RALB: variants seen among roughly 807,000 people sequenced by gnomAD.
The protein encoded by RALB is RAS like proto-oncogene B, also known as ras-related protein Ral-B.
RALB carries 16 observed loss-of-function variants against 21.3 expected under a neutral mutation model. The ratio of observed to expected loss-of-function variants is 0.75; its 90% CI spans 0.51 to 1.14. The LOEUF (loss-of-function observed/expected upper bound fraction) is 1.14. RALB is among the 50% of genes most tolerant of loss of function. The pLI is 0.00. For missense variants in RALB, 161 were observed against 256.2 expected, an observed-to-expected ratio of 0.63 and a Z score of 2.54; for synonymous variants, 93 against 96.1, an observed-to-expected ratio of 0.97 and a Z score of 0.19.
intron 1 of RALB, among the ~76,000 whole-genome samples, chr2:120,278,334 A>G (rs1388773107): frequency 1.1e-5 from 1 of 89,906 alleles, no homozygotes; most frequent in East Asian, 2.2e-4. Flanking sequence ...TGAGGGTCTG[A>G]TGATTTTTGG....
chr2:120,289,163 T>C (rs970727344), intron 3 of RALB, among the ~76,000 whole-genome samples: 4 of 152,202 alleles, frequency 2.6e-5, no homozygotes, highest in Non-Finnish European at 5.9e-5. Context: ...AAACAAATAT[T>C]TTCAGGGGAA....
At chr2:120,252,599 C>T (rs536041059), upstream of RALB, among the ~76,000 whole-genome samples, 85 of 152,340 alleles carry the variant, frequency 5.6e-4, 1 homozygote, top group African/African-American at 1.8e-3. Flanking sequence ...TTACCAGCTG[C>T]GTGTCCGAGG....
At chr2:120,253,492 C>T (rs1689114463) in intron 1 of RALB, 1 of 985,812 alleles carries the variant, frequency 1.0e-6, no homozygotes, top group Non-Finnish European at 1.2e-6. Flanking sequence ...GTTGTTTCTC[C>T]CCCAGCCTCC....
chr2:120,278,709 C>T lies in RALB; in HGVS notation c.45C>T (p.His15=). ...AGGGCCAGAGCTCCTTGGCCCTCCA[C>T]AAGGTGATCATGGTTGGCAGCGGAG... ...KSKGQSSLAL[H]KVIMVGSGGV... The change falls in exon 2 of 5, where the codon CAC becomes CAT. Residue 15 remains histidine, a synonymous_variant. Coordinates refer to ENST00000272519, the MANE Select transcript of RALB (RefSeq NM_002881.3). The T allele has an allele frequency of 1.3e-6, 2 of 1,597,870 alleles. No individual in the cohort carries two copies. The highest frequency in any genetic ancestry group is 1.7e-6 in the Non-Finnish European group (2 of 1,171,488).
intron 1 of RALB, among the ~76,000 whole-genome samples, chr2:120,274,190 G>C (rs776454120): frequency 6.6e-6 from 1 of 152,154 alleles, no homozygotes; most frequent in Non-Finnish European, 1.5e-5. Context: ...CAGCTCTGTA[G>C]GAAACAGTGT....
intron 1 of RALB, among the ~76,000 whole-genome samples, chr2:120,272,147 A>T (rs1026547519): frequency 3.9e-5 from 6 of 152,170 alleles, no homozygotes; most frequent in Non-Finnish European, 5.9e-5. Flanking sequence ...TTATAAGAAG[A>T]GGAAGAGATA....
At chr2:120,262,417 C>G (rs1181300576) in intron 1 of RALB, among the ~76,000 whole-genome samples, 1 of 152,086 alleles carries the variant, frequency 6.6e-6, no homozygotes, top group South Asian at 2.1e-4. Context: ...TGGAGGCTCT[C>G]GAAGGGTTTG....
upstream of RALB, among the ~76,000 whole-genome samples, chr2:120,251,844 G>A (rs138037380): frequency 6.6e-6 from 1 of 152,176 alleles, no homozygotes; most frequent in Non-Finnish European, 1.5e-5. Context: ...CTAAGGTAAA[G>A]CTTCTGTGCT....
intron 1 of RALB, among the ~76,000 whole-genome samples, chr2:120,271,240 A>G (rs77277589): frequency 6.6e-6 from 1 of 151,944 alleles, no homozygotes. Flanking sequence ...TTTATGTACT[A>G]TGATTTGCTT....
At chr2:120,253,992 G>A (rs958637588) in intron 1 of RALB, among the ~76,000 whole-genome samples, 2 of 152,166 alleles carry the variant, frequency 1.3e-5, no homozygotes, top group African/African-American at 4.8e-5. Flanking sequence ...CCATAAGATT[G>A]TTGGATGTCA....
At chr2:120,259,390 A>G (rs1309581287) in intron 1 of RALB, among the ~76,000 whole-genome samples, 1 of 152,210 alleles carries the variant, frequency 6.6e-6, no homozygotes, top group Non-Finnish European at 1.5e-5. Context: ...AGTTAGATAC[A>G]GAGTTTCCAC....
chr2:120,265,396 G>A (rs1372532685), intron 1 of RALB, among the ~76,000 whole-genome samples: 1 of 152,256 alleles, frequency 6.6e-6, no homozygotes, highest in Non-Finnish European at 1.5e-5. Context: ...GACCACCGTT[G>A]TATTATGTGG....
At chr2:120,285,807 T>C (rs1209235426) in intron 2 of RALB, 67 bp from the exon 3 acceptor site, 1 of 1,376,398 alleles carries the variant, frequency 7.3e-7, no homozygotes, top group African/African-American at 1.4e-5. Context: ...TATGTGGAAT[T>C]TTGTTTTTTG....
intron 2 of RALB, 58 bp downstream of exon 2, chr2:120,278,836 G>T: frequency 7.1e-7 from 1 of 1,406,108 alleles, no homozygotes; most frequent in Non-Finnish European, 9.4e-7. Flanking sequence ...CAGTGTCCCT[G>T]CTCCCGCTGT....
At chr2:120,248,585 C>A (rs936952620), upstream of RALB, among the ~76,000 whole-genome samples, 5 of 152,080 alleles carry the variant, frequency 3.3e-5, no homozygotes, top group African/African-American at 1.2e-4. Flanking sequence ...CGTGGACCCC[C>A]GGAACAGCAT....
At position 120,293,924 on chromosome 2, in the gene RALB, G is replaced by A. The variant is rs1477977880; in HGVS notation, c.*664G>A. 6 of 386,910 alleles carry A rather than the reference G, an allele frequency of 1.6e-5. No individual in the cohort carries two copies. Among genetic ancestry groups the A allele is most frequent in the Non-Finnish European group, 2.7e-5 (6 of 219,506 alleles). 24.0% of individuals were successfully genotyped at this position (386,910 alleles called of 1,614,324 possible). ...ACATTGGCCTATTATAATCTGTGTT[G>A]GTTATTTTTCTCCTGTAAGCATCCT... is the stretch of plus-strand genomic sequence containing the variant. On this transcript the variant is annotated 3_prime_UTR_variant, in exon 5 of 5. Coordinates refer to ENST00000272519, the MANE Select transcript of RALB (RefSeq NM_002881.3).
At chr2:120,264,773 A>G (rs997273821) in intron 1 of RALB, among the ~76,000 whole-genome samples, 6 of 149,788 alleles carry the variant, frequency 4.0e-5, no homozygotes, top group African/African-American at 1.5e-4. Flanking sequence ...CTCTTCCCCC[A>G]CCCCCTGGCA....
intron 1 of RALB, among the ~76,000 whole-genome samples, chr2:120,276,781 C>G (rs1213353457): frequency 6.6e-6 from 1 of 152,182 alleles, no homozygotes; most frequent in South Asian, 2.1e-4. Flanking sequence ...CATGTATATC[C>G]TATTTAGTCC....
intron 3 of RALB, among the ~76,000 whole-genome samples, chr2:120,287,427 G>A (rs909658553): frequency 1.3e-5 from 2 of 152,234 alleles, no homozygotes; most frequent in Non-Finnish European, 2.9e-5. Flanking sequence ...ACCTTCCTAA[G>A]GGCTGCTCTG....
Sources: allele counts gnomAD v4.1 joint callset (sites outside exome capture counted in the v4.1 genomes callset), GRCh38; gene constraint gnomAD v4.1.1; transcripts MANE v1.5; gene names NCBI Gene and HGNC (gene_info 2026-07-23, HGNC 2026-07-21).